The following MR1 variants were observed in gnomAD, a reference collection of about 807,000 sequenced individuals.
The protein encoded by MR1 is major histocompatibility complex, class I-related.
A neutral mutation model predicts 37.8 loss-of-function variants in MR1; 44 were observed. The ratio of observed to expected loss-of-function variants is 1.16; its 90% confidence interval spans 0.91 to 1.50. The LOEUF is 1.50. Ranked by LOEUF, MR1 falls within the 40% of genes most tolerant of loss-of-function variation. The pLI, the probability that MR1 is intolerant of heterozygous loss-of-function variation, is 0.00. For synonymous variants in MR1, 153 were observed against 155.8 expected (o/e 0.98, Z 0.13); for missense variants, 386 against 419.1 (o/e 0.92, Z 0.69).
intron 5 of MR1, among the ~76,000 whole-genome samples, chr1:181,054,388 T>C (rs759084879): frequency 6.6e-6 from 1 of 152,192 alleles, no homozygotes; most frequent in Non-Finnish European, 1.5e-5. Flanking sequence ...CTGGCTTCAC[T>C]AATTGCTCAA....
intron 3 of MR1, 56 bp downstream of exon 3, chr1:181,050,342 G>A (rs549257310): frequency 1.8e-4 from 283 of 1,602,408 alleles, no homozygotes; most frequent in South Asian, 9.5e-4. Flanking sequence ...GTTTTTATAC[G>A]TAACTCTTTT....
upstream of MR1, chr1:181,033,948 A>G: frequency 3.4e-6 from 5 of 1,475,302 alleles, no homozygotes; most frequent in Middle Eastern, 1.8e-4. Flanking sequence ...TGTGTCACCA[A>G]GAGGTTCTCA....
In MR1 at chr1:181,061,123, A is replaced by C. The variant is rs1411102007; in HGVS notation, c.*5858A>C. On this transcript the variant is annotated 3_prime_UTR_variant, in exon 6 of 6. Transcript: ENST00000367580. ...CCCGTGCATGAGCGGCTTGCCATGC[A>C]ACAGGATAAAACCCATAATGCCACT... 5 of 152,250 alleles carry C rather than the reference A, an allele frequency of 3.3e-5. No homozygotes were observed. The highest frequency in any genetic ancestry group is 5.9e-5 in the Non-Finnish European group (4 of 68,044). 9.4% of individuals were successfully genotyped at this position (152,250 alleles called of 1,614,324 possible). A position where few individuals can be genotyped will look rare whatever the true frequency, so the allele number is the denominator to read the frequency against.
At chr1:181,053,705 G>C in intron 5 of MR1, 28 bp downstream of exon 5, 1 of 1,486,824 alleles carries the variant, frequency 6.7e-7, no homozygotes, top group Non-Finnish European at 9.4e-7. Context: ...GGGATCCAGG[G>C]GGCTGCAGAC....
chr1:181,052,381 G>A lies in MR1; in HGVS notation c.751G>A (p.Asp251Asn), dbSNP rs1658369698. Reference protein sequence around the residue: ...EEIVQEIDYGDILPSGDGTYQ... With the variant: ...EEIVQEIDYGNILPSGDGTYQ... ...AATTGTCCAAGAAATTGATTATGGAGACATTCTTCCCAGTGGGGATGGAAC... is the reference window on the plus strand; with the variant it reads ...AATTGTCCAAGAAATTGATTATGGAAACATTCTTCCCAGTGGGGATGGAAC... The change falls in exon 4 of 6, where the codon GAC becomes AAC. Residue 251 changes from aspartate to asparagine, a missense_variant. By Grantham distance (23) the Asp-to-Asn change is conservative. Transcript: ENST00000367580. 3 of 1,614,068 alleles carry A rather than the reference G, an allele frequency of 1.9e-6. No individual in the cohort carries two copies. The highest frequency in any genetic ancestry group is 1.6e-4 in the Middle Eastern group (1 of 6,084).
In MR1 at chr1:181,052,269, T is replaced by C. The variant is rs1385611227; in HGVS notation, c.639T>C (p.Thr213=). Residue 213 remains threonine, a synonymous_variant, in exon 4 of 6, where the codon ACT becomes ACC. Coordinates refer to ENST00000367580, the MANE Select transcript of MR1 (RefSeq NM_001385161.1). ...TGGTCAGAGTAAATCGCAAAGAAAC[T>C]TTTCCAGGGGTTACAGCTCTCTTCT... is the stretch of plus-strand genomic sequence containing the variant. ...PPLVRVNRKE[T]FPGVTALFCK... 6.2e-7 allele frequency: 1 copy of C among 1,614,176 alleles called. No homozygotes were observed. The highest frequency in any genetic ancestry group is 8.5e-7 in the Non-Finnish European group (1 of 1,180,028).
intron 5 of MR1, 134 bp from the exon 6 acceptor site, chr1:181,055,091 A>G: frequency 1.3e-6 from 1 of 764,690 alleles, no homozygotes; most frequent in Non-Finnish European, 2.3e-6. Context: ...TTTGTCAAGT[A>G]CTAAGAGAAT....
chr1:181,042,219 T>C (rs927844797), intron 1 of MR1, among the ~76,000 whole-genome samples: 2 of 144,146 alleles, frequency 1.4e-5, no homozygotes, highest in Admixed American at 6.9e-5. Flanking sequence ...TTTTTTTTTT[T>C]GAGATGGAGT....
chr1:181,052,939 T>A (rs1340061323), intron 4 of MR1, among the ~76,000 whole-genome samples: 3 of 151,758 alleles, frequency 2.0e-5, no homozygotes, highest in Non-Finnish European at 4.4e-5. Flanking sequence ...TGGTGGCGCA[T>A]GCCTGTAATC....
In MR1 at chr1:181,054,867, A is replaced by G. The variant is rs867939693; in HGVS notation, c.986-358A>G. 9.2e-5 allele frequency among the ~76,000 whole-genome samples: 14 copies of G among 152,334 alleles called. No individual in the cohort carries two copies. In the South Asian group the frequency reaches 2.1e-3, roughly 23 times the overall value. Reference sequence around the variant, plus strand: ...CAAGAGCGAGACTCTGTCTCAAAAAAGAAAAAAGAAAAGAAAAGAAAAGAA... The same window carrying G: ...CAAGAGCGAGACTCTGTCTCAAAAAGGAAAAAAGAAAAGAAAAGAAAAGAA... On this transcript the variant is annotated intron_variant, in intron 5 of 5. Coordinates refer to ENST00000367580, the MANE Select transcript of MR1 (RefSeq NM_001385161.1).
At chr1:181,051,713 G>T (rs1416901484) in intron 3 of MR1, among the ~76,000 whole-genome samples, 1 of 152,162 alleles carries the variant, frequency 6.6e-6, no homozygotes, top group Non-Finnish European at 1.5e-5. Flanking sequence ...ACCATGGCAT[G>T]ATCTACTACA....
In MR1 at chr1:181,052,384, A is replaced by G. The variant is rs1558120684; in HGVS notation, c.754A>G (p.Ile252Val). 1.2e-6 allele frequency: 2 copies of G among 1,614,208 alleles called. No homozygotes were observed. The highest frequency in any genetic ancestry group is 2.2e-5 in the South Asian group (2 of 91,086). ...TGTCCAAGAAATTGATTATGGAGAC[A>G]TTCTTCCCAGTGGGGATGGAACCTA... ...EIVQEIDYGD[I>V]LPSGDGTYQA... Residue 252 changes from isoleucine (I) to valine (V), a missense_variant, in exon 4 of 6, where the codon ATT becomes GTT. By Grantham distance (29) the Ile-to-Val change is conservative (BLOSUM62 3). Transcript: ENST00000367580.
chr1:181,043,110 T>C (rs1398834858), intron 1 of MR1, among the ~76,000 whole-genome samples: 1 of 152,220 alleles, frequency 6.6e-6, no homozygotes, highest in Non-Finnish European at 1.5e-5. Context: ...CTCTGGCTCT[T>C]GTTTGCATAA....
chr1:181,056,494 A>T lies in MR1; in HGVS notation c.*1229A>T, dbSNP rs958953732. 2 of 151,860 alleles carry T rather than the reference A, an allele frequency of 1.3e-5. No individual in the cohort carries two copies. Among genetic ancestry groups the T allele is most frequent in the Non-Finnish European group, 2.9e-5 (2 of 67,994 alleles). The allele number at this position is 151,860 out of a possible 1,614,324, so 9.4% of individuals were successfully genotyped here. A position where few individuals can be genotyped will look rare whatever the true frequency, so the allele number is the denominator to read the frequency against. Reference sequence around the variant, plus strand: ...GTAGCTGGGCATGACTTGCCTTCCTACATAGGTTGTCTTCATACATATGCA... The same window carrying T: ...GTAGCTGGGCATGACTTGCCTTCCTTCATAGGTTGTCTTCATACATATGCA... On this transcript the variant is annotated 3_prime_UTR_variant, in exon 6 of 6. Transcript: ENST00000367580.
rs1284859892 is a variant in MR1, at chr1:181,040,767, A to C, written c.67+6693A>C. Among the ~76,000 whole-genome samples the C allele has an allele frequency of 6.5e-5, 9 of 139,022 alleles. No individual in the cohort carries two copies. In the East Asian group the frequency reaches 1.2e-3, roughly 19 times the overall value. The allele number at this position is 139,022 out of a possible 152,430, so 91.2% of individuals were successfully genotyped here. A position where few individuals can be genotyped will look rare whatever the true frequency, so the allele number is the denominator to read the frequency against. On this transcript the variant is annotated intron_variant, in intron 1 of 5. Transcript: ENST00000367580. ...CAGGCATCAGAATTAGATTGAAGTT[A>C]AAAAAAAAAAAAACCCAGAAAGAAA...
At chr1:181,047,433 T>C (rs1268138114) in intron 1 of MR1, among the ~76,000 whole-genome samples, 1 of 151,900 alleles carries the variant, frequency 6.6e-6, no homozygotes, top group Non-Finnish European at 1.5e-5. Flanking sequence ...ACCCTGTTTT[T>C]ACTAAAAATA....
rs775913688 is a variant in MR1 at position 181,050,165 on chromosome 1, C to A, written c.483C>A (p.Ile161=). ...WLAVDNVAHT[I]KQAWEANQHE... is the part of the protein sequence containing the mutation. ...CTGTAGATAATGTGGCTCACACCAT[C>A]AAGCAGGCATGGGAGGCCAATCAGC... The change falls in exon 3 of 6, where the codon ATC becomes ATA. Residue 161 remains isoleucine, a synonymous_variant. Transcript: ENST00000367580. The A allele has an allele frequency of 1.9e-6, 3 of 1,614,238 alleles. No homozygotes were observed. Among genetic ancestry groups the A allele is most frequent in the Admixed American group, 1.7e-5 (1 of 60,028 alleles).
chr1:181,047,080 C>T (rs555371827), intron 1 of MR1, among the ~76,000 whole-genome samples: 42 of 152,270 alleles, frequency 2.8e-4, no homozygotes, highest in African/African-American at 9.9e-4. Flanking sequence ...CACCACCACC[C>T]ATAATGCCAC....
chr1:181,043,100 C>T (rs1657654792), intron 1 of MR1, among the ~76,000 whole-genome samples: 1 of 152,220 alleles, frequency 6.6e-6, no homozygotes, highest in Non-Finnish European at 1.5e-5. Context: ...CTGATGCAAT[C>T]TCTGGCTCTT....
Sources: gnomAD v4.1 joint callset for allele counts (sites outside exome capture counted in the v4.1 genomes callset) on GRCh38, gnomAD v4.1.1 for gene constraint, MANE v1.5 for transcripts, NCBI Gene and HGNC (gene_info 2026-07-23, HGNC 2026-07-21) for gene names.